The following HIF1A variants were observed in gnomAD, a reference collection of about 807,000 sequenced individuals.
HIF1A encodes the protein hypoxia inducible factor 1 subunit alpha, also known as hypoxia-inducible factor 1-alpha.
A neutral mutation model predicts 92.7 loss-of-function variants in HIF1A; 24 were observed. The ratio of observed to expected loss-of-function variants is 0.26; its 90% CI spans 0.19 to 0.36. The LOEUF is 0.36. Among genes scored for constraint, HIF1A ranks in the 10% least tolerant of loss-of-function variants. HIF1A has a pLI of 1.00. For synonymous variants in HIF1A, 319 were observed against 338.7 expected (o/e 0.94, Z 0.64); for missense variants, 799 against 998.5 (o/e 0.80, Z 2.69).
intron 10 of HIF1A, among the ~76,000 whole-genome samples, chr14:61,738,581 G>A (rs2044667844): frequency 6.6e-6 from 1 of 152,102 alleles, no homozygotes; most frequent in South Asian, 2.1e-4. Flanking sequence ...CAGGAACATG[G>A]GAAGAAACTA....
chr14:61,715,907 G>A, intron 1 of HIF1A: 1 of 152,306 alleles, frequency 6.6e-6, no homozygotes, highest in Admixed American at 6.5e-5. Flanking sequence ...TAGGGAGGGG[G>A]AGGATTGCTT....
chr14:61,745,414 G>A (rs2044767826), intron 13 of HIF1A, among the ~76,000 whole-genome samples: 2 of 152,170 alleles, frequency 1.3e-5, no homozygotes, highest in South Asian at 4.1e-4. Flanking sequence ...GAGAGTGAGA[G>A]TCCATCTCAT....
At chr14:61,732,353 G>T in intron 6 of HIF1A, 65 bp from the exon 7 acceptor site, 1 of 977,714 alleles carries the variant, frequency 1.0e-6, no homozygotes. Context: ...AACTTGGGAG[G>T]AGAAAAATTT....
intron 12 of HIF1A, among the ~76,000 whole-genome samples, chr14:61,742,794 A>G (rs1434683433): frequency 7.1e-6 from 1 of 141,478 alleles, no homozygotes; most frequent in East Asian, 2.3e-4. Flanking sequence ...TTGAGGCAGG[A>G]GAATTGCTTG....
intron 4 of HIF1A, among the ~76,000 whole-genome samples, chr14:61,723,821 C>A (rs1398861392): frequency 5.3e-5 from 8 of 152,102 alleles, no homozygotes; most frequent in African/African-American, 1.9e-4. Context: ...ATGTTTCGAA[C>A]CAAATGTTCT....
At chr14:61,729,403 A>C (rs2044546774) in intron 6 of HIF1A, among the ~76,000 whole-genome samples, 1 of 151,754 alleles carries the variant, frequency 6.6e-6, no homozygotes, top group Non-Finnish European at 1.5e-5. Flanking sequence ...CGGAGGTTGC[A>C]GTGAACCAAG....
intron 2 of HIF1A, 78 bp from the exon 3 acceptor site, chr14:61,721,431 T>A (rs1272432762): frequency 1.6e-6 from 2 of 1,274,016 alleles, no homozygotes; most frequent in African/African-American, 3.0e-5. Context: ...GAGAAAACTT[T>A]GTAAAAACAT....
chr14:61,729,327 G>C (rs540211069), intron 6 of HIF1A, among the ~76,000 whole-genome samples: 33 of 151,916 alleles, frequency 2.2e-4, no homozygotes, highest in African/African-American at 7.2e-4. Context: ...CTGGGTATGG[G>C]GGCACATGTC....
rs982562264 is a variant in HIF1A at position 61,747,551 on chromosome 14, A to G, written c.*466A>G. 6.6e-6 allele frequency: 1 copy of G among 152,626 alleles called. No homozygotes were observed. Among genetic ancestry groups the G allele is most frequent in the Admixed American group, 6.5e-5 (1 of 15,276 alleles). The allele number at this position is 152,626 out of a possible 1,614,324, so 9.5% of individuals were successfully genotyped here. On this transcript the variant is annotated 3_prime_UTR_variant, in exon 15 of 15. Transcript: ENST00000337138. ...CAGTACGTGGTAGCCACAATTGCAC[A>G]ATATATTTTCTTAAAAAATACCAGC...
chr14:61,744,602 T>C (rs969729799), intron 12 of HIF1A, 103 bp from the exon 13 acceptor site: 2 of 550,860 alleles, frequency 3.6e-6, no homozygotes, highest in Non-Finnish European at 6.5e-6. Flanking sequence ...ATTATATTCC[T>C]TAATATTGGA....
chr14:61,699,459 A>AT (rs5809116), intron 1 of HIF1A, among the ~76,000 whole-genome samples: 4 of 144,898 alleles, frequency 2.8e-5, no homozygotes, highest in Admixed American at 6.9e-5. Flanking sequence ...CTCTTGACTG[A>AT]TTTTTTTTTT....
chr14:61,715,159 T>G (rs984622410), intron 1 of HIF1A, among the ~76,000 whole-genome samples: 1 of 152,224 alleles, frequency 6.6e-6, no homozygotes, highest in Non-Finnish European at 1.5e-5. Context: ...GAGTATAGAC[T>G]GAATTACCAT....
intron 8 of HIF1A, among the ~76,000 whole-genome samples, chr14:61,734,835 C>T (rs1202286341): frequency 6.6e-6 from 1 of 152,198 alleles, no homozygotes. Context: ...GGATGTAGCA[C>T]ACCAACATGG....
At chr14:61,724,718 T>C (rs2044481355) in intron 4 of HIF1A, among the ~76,000 whole-genome samples, 1 of 152,174 alleles carries the variant, frequency 6.6e-6, no homozygotes, top group Admixed American at 6.6e-5. Context: ...TTTCCATCAG[T>C]TTTCAAGTCT....
intron 1 of HIF1A, among the ~76,000 whole-genome samples, chr14:61,708,980 C>T (rs1039446822): frequency 1.3e-4 from 20 of 152,212 alleles, no homozygotes; most frequent in Admixed American, 1.2e-3. Context: ...TCACCACAAC[C>T]TCCATCTCCC....
At chr14:61,701,169 T>G (rs2044171919) in intron 1 of HIF1A, among the ~76,000 whole-genome samples, 1 of 152,250 alleles carries the variant, frequency 6.6e-6, no homozygotes, top group Non-Finnish European at 1.5e-5. Context: ...TCCCAAGATG[T>G]TAGCTTTTAG....
intron 1 of HIF1A, among the ~76,000 whole-genome samples, chr14:61,713,142 G>T (rs1444547175): frequency 6.6e-6 from 1 of 152,152 alleles, no homozygotes; most frequent in Non-Finnish European, 1.5e-5. Context: ...TGTGGAAAAT[G>T]ATGAGGATAA....
At chr14:61,741,622 G>A (rs1360264389) in intron 12 of HIF1A, among the ~76,000 whole-genome samples, 2 of 152,068 alleles carry the variant, frequency 1.3e-5, no homozygotes, top group South Asian at 2.1e-4. Flanking sequence ...GCCTGCCTCA[G>A]CCTCCGAAAG....
chr14:61,722,424 G>C lies in HIF1A; in HGVS notation c.457+601G>C, dbSNP rs566482338. Among the ~76,000 whole-genome samples the C allele has an allele frequency of 1.1e-4, 16 of 152,002 alleles. 1 individual carries two copies. In the East Asian group the frequency reaches 3.1e-3, roughly 29 times the overall value. The stretch of plus-strand genomic sequence containing the variant: ...TCCTTTTCTTTTTAAATTGTGATAG[G>C]GGTTCTTGCTGTATTGCCCAGGCTG... On this transcript the variant is annotated intron_variant, in intron 4 of 14. Coordinates refer to ENST00000337138, the MANE Select transcript of HIF1A (RefSeq NM_001530.4).
Sources: gnomAD v4.1 joint callset for allele counts (sites outside exome capture counted in the v4.1 genomes callset) on GRCh38, gnomAD v4.1.1 for gene constraint, MANE v1.5 for transcripts, NCBI Gene and HGNC (gene_info 2026-07-23, HGNC 2026-07-21) for gene names.